Variants in DNAAF1 observed in about 807,000 individuals in gnomAD.
DNAAF1 encodes the protein dynein axonemal assembly factor 1.
In DNAAF1, 65 loss-of-function variants were observed where a neutral mutation model predicts 71.1. The observed-to-expected ratio is 0.91, with a 90% CI of 0.75 to 1.12. The LOEUF (loss-of-function observed/expected upper bound fraction) is 1.12. DNAAF1 is among the 50% of genes most tolerant of loss of function. The pLI is 0.00. For synonymous variants in DNAAF1, 414 were observed against 354.6 expected, an observed-to-expected ratio of 1.17 and a Z score of -1.88; for missense variants, 1,178 against 899.8, an observed-to-expected ratio of 1.31 and a Z score of -3.96.
intron 7 of DNAAF1, among the ~76,000 whole-genome samples, chr16:84,166,486 A>G (rs1241134737): frequency 6.8e-6 from 1 of 146,032 alleles, no homozygotes; most frequent in Non-Finnish European, 1.5e-5. Flanking sequence ...CTCTCACCTC[A>G]GCTTCCTAAG....
In DNAAF1 at chr16:84,176,031, CACAG is replaced by C; in HGVS notation, c.1801_1804del (p.Asp601LeufsTer45). 1 of 1,614,164 alleles carries C rather than the reference CACAG, an allele frequency of 6.2e-7. No individual in the cohort carries two copies. The highest frequency in any genetic ancestry group is 1.1e-5 in the South Asian group (1 of 91,086). On this transcript the variant is annotated frameshift_variant, in exon 11 of 12. Transcript: ENST00000378553. LOFTEE classifies it high-confidence loss of function. ...CACTCCCTGTGCTGGAAAACCTCCC[CACAG>C]ACACTCTGTCAAATATATTTGCAGT...
intron 9 of DNAAF1, chr16:84,172,709 C>G (rs2088429437): frequency 2.5e-6 from 3 of 1,192,098 alleles, no homozygotes; most frequent in East Asian, 5.4e-5. Context: ...GTGGTTCTGA[C>G]TAGTTGCCTT....
At chr16:84,150,169 T>A (rs1299190377) in intron 2 of DNAAF1, 82 bp from the exon 3 acceptor site, 6 of 1,051,624 alleles carry the variant, frequency 5.7e-6, no homozygotes, top group Non-Finnish European at 8.9e-6. Flanking sequence ...TGGGCAGGAA[T>A]GGATGTGGTA....
chr16:84,169,334 C>T (rs1043236432), intron 7 of DNAAF1, among the ~76,000 whole-genome samples: 4 of 151,896 alleles, frequency 2.6e-5, no homozygotes, highest in Admixed American at 2.6e-4. Context: ...GATCCACCTG[C>T]CTGGGCCTCC....
At chr16:84,172,979 T>C (rs2088446746) in intron 9 of DNAAF1, 1 of 998,192 alleles carries the variant, frequency 1.0e-6, no homozygotes, top group African/African-American at 1.7e-5. Flanking sequence ...AATGGTACCA[T>C]GGGAATTCAC....
In DNAAF1 at chr16:84,175,950, G is replaced by A. The variant is rs760161594; in HGVS notation, c.1716G>A (p.Lys572=). The A allele has an allele frequency of 6.2e-7, 1 of 1,614,168 alleles. No individual in the cohort carries two copies. The highest frequency in any genetic ancestry group is 8.5e-7 in the Non-Finnish European group (1 of 1,180,034). Reference sequence around the variant, plus strand: ...GTAAATAGAATATGTGCTTTCCGAAGATTGAGGTCATCTCGAGCTTGAGTG... The same window carrying A: ...GTAAATAGAATATGTGCTTTCCGAAAATTGAGGTCATCTCGAGCTTGAGTG... ...SLEDQNMCFP[K]IEVISSLSDD... The change falls in exon 11 of 12, where the codon AAG becomes AAA. Residue 572 remains lysine, a synonymous_variant. Coordinates refer to ENST00000378553, the MANE Select transcript of DNAAF1 (RefSeq NM_178452.6).
At chr16:84,147,759 CCAAAAA>C (rs1362532822) in intron 1 of DNAAF1, among the ~76,000 whole-genome samples, 1 of 149,670 alleles carries the variant, frequency 6.7e-6, no homozygotes, top group Non-Finnish European at 1.5e-5. Flanking sequence ...TAAGCCCCCC[CCAAAAA>C]AAAAATAAAA....
chr16:84,175,886 C>T (rs2088623977), intron 10 of DNAAF1, 47 bp from the exon 11 acceptor site: 2 of 1,607,036 alleles, frequency 1.2e-6, no homozygotes, highest in Non-Finnish European at 1.7e-6. Context: ...TAGAGCGATT[C>T]TGTTGTGAAA....
intron 11 of DNAAF1, chr16:84,176,714 G>A (rs1463207419): frequency 3.4e-5 from 10 of 297,774 alleles, no homozygotes; most frequent in South Asian, 6.7e-5. Flanking sequence ...TGGGGCAAGC[G>A]AGGTGACAGC....
At chr16:84,173,008 C>G in intron 9 of DNAAF1, 1 of 993,718 alleles carries the variant, frequency 1.0e-6, no homozygotes, top group Non-Finnish European at 1.2e-6. Flanking sequence ...TCACAACCCC[C>G]CAAGAACTGT....
At chr16:84,166,470 G>A (rs568685059) in intron 7 of DNAAF1, among the ~76,000 whole-genome samples, 2 of 148,204 alleles carry the variant, frequency 1.3e-5, no homozygotes, top group South Asian at 4.2e-4. Context: ...TCTGCCTCAA[G>A]TGATCCTCTC....
intron 6 of DNAAF1, 26 bp downstream of exon 6, chr16:84,159,822 A>C: frequency 6.2e-7 from 1 of 1,612,226 alleles, no homozygotes; most frequent in Non-Finnish European, 8.5e-7. Flanking sequence ...CCTTCTGATC[A>C]CATTTTAATA....
chr16:84,175,835 T>C (rs2088620154), intron 10 of DNAAF1, 98 bp from the exon 11 acceptor site: 3 of 1,458,478 alleles, frequency 2.1e-6, no homozygotes, highest in Non-Finnish European at 2.9e-6. Context: ...CAGAATACTT[T>C]GTGACATTGG....
intron 6 of DNAAF1, among the ~76,000 whole-genome samples, chr16:84,161,996 G>A (rs2087737902): frequency 6.6e-6 from 1 of 152,186 alleles, no homozygotes; most frequent in Non-Finnish European, 1.5e-5. Context: ...GCAGGCAACA[G>A]ATAGGCCTTT....
rs917690543 is a variant in DNAAF1 at position 84,149,477 on chromosome 16, G to A, written c.260+335G>A. 4.6e-5 allele frequency among the ~76,000 whole-genome samples: 7 copies of A among 151,274 alleles called. No individual in the cohort carries two copies. In the East Asian group the frequency reaches 1.4e-3, roughly 30 times the overall value. On this transcript the variant is annotated intron_variant, in intron 2 of 11. Coordinates refer to ENST00000378553, the MANE Select transcript of DNAAF1 (RefSeq NM_178452.6). ...GAGGCTGAGGTGGGCGAATCACAAG[G>A]TCAGGAGTTCGAGACCAGCCTGCAC...
chr16:84,153,904 C>T (rs72800713), intron 3 of DNAAF1, among the ~76,000 whole-genome samples: 2,336 of 152,230 alleles, frequency 0.015, 26 homozygotes, highest in Middle Eastern at 0.037. Flanking sequence ...CAGTAGGCTC[C>T]ACCCTCCCAG....
At chr16:84,166,937 C>A (rs1037293005) in intron 7 of DNAAF1, among the ~76,000 whole-genome samples, 4 of 152,202 alleles carry the variant, frequency 2.6e-5, no homozygotes, top group Non-Finnish European at 4.4e-5. Context: ...TGTCCCCACA[C>A]CCACCAATTC....
At chr16:84,175,270 T>TATAGTGC (rs1317987407) in intron 10 of DNAAF1, 1 of 206,822 alleles carries the variant, frequency 4.8e-6, no homozygotes, top group East Asian at 1.2e-4. Context: ...AACAGCTGAG[T>TATAGTGC]ACAGTGCATA....
intron 11 of DNAAF1, 69 bp from the exon 12 acceptor site, chr16:84,177,660 C>T (rs1746306372): frequency 7.1e-7 from 1 of 1,405,616 alleles, no homozygotes; most frequent in Non-Finnish European, 1.0e-6. Flanking sequence ...GACTGAACCC[C>T]AAGGCTGCCC....
Sources: allele counts gnomAD v4.1 joint callset (sites outside exome capture counted in the v4.1 genomes callset), GRCh38; gene constraint gnomAD v4.1.1; transcripts MANE v1.5; gene names NCBI Gene and HGNC (gene_info 2026-07-23, HGNC 2026-07-21).